MYO6: variants seen among roughly 807,000 people sequenced by gnomAD.
MYO6 encodes the protein myosin VI.
A neutral mutation model predicts 178.7 loss-of-function variants in MYO6; 74 were observed. The observed-to-expected ratio is 0.41, with a 90% CI of 0.34 to 0.50. The LOEUF (loss-of-function observed/expected upper bound fraction) is 0.50, where lower values mean the gene tolerates loss of function less well. MYO6 is among the 20% of genes least tolerant of loss of function. MYO6 has a pLI of 0.09. For missense variants in MYO6, 1,330 were observed against 1,547.4 expected (o/e 0.86, Z 2.36); for synonymous variants, 477 against 504.6 (o/e 0.95, Z 0.73).
At chr6:75,899,296 T>C (rs186832782) in intron 30 of MYO6, among the ~76,000 whole-genome samples, 40 of 152,170 alleles carry the variant, frequency 2.6e-4, no homozygotes, top group Non-Finnish European at 4.6e-4. Flanking sequence ...TAATACCTTA[T>C]ATACATTCTG....
intron 10 of MYO6, among the ~76,000 whole-genome samples, chr6:75,847,925 A>T (rs958045387): frequency 6.6e-6 from 1 of 152,082 alleles, no homozygotes; most frequent in Non-Finnish European, 1.5e-5. Flanking sequence ...TGATACATGT[A>T]TACATTGTGG....
chr6:75,838,402 A>G (rs986095442), intron 7 of MYO6, among the ~76,000 whole-genome samples: 4 of 152,180 alleles, frequency 2.6e-5, no homozygotes, highest in South Asian at 2.1e-4. Flanking sequence ...AGAAGGGTAT[A>G]GCGTCTTTTG....
intron 11 of MYO6, among the ~76,000 whole-genome samples, chr6:75,853,598 TC>T (rs1281515713): frequency 6.6e-6 from 1 of 152,174 alleles, no homozygotes; most frequent in African/African-American, 2.4e-5. Context: ...TGTTCTTTCC[TC>T]AGTGAATTGT....
At chr6:75,893,727 G>A (rs187358789) in intron 28 of MYO6, among the ~76,000 whole-genome samples, 1 of 152,268 alleles carries the variant, frequency 6.6e-6, no homozygotes, top group Non-Finnish European at 1.5e-5. Flanking sequence ...CTCTGGGACT[G>A]CTTGTATATG....
chr6:75,873,597 A>C lies in MYO6; in HGVS notation c.2077+297A>C, dbSNP rs538997506. Among the ~76,000 whole-genome samples, 144 of 152,296 alleles carry C rather than the reference A, an allele frequency of 9.5e-4. 1 individual carries two copies. The highest frequency in any genetic ancestry group is 3.0e-3 in the Admixed American group (46 of 15,290). On this transcript the variant is annotated intron_variant, in intron 20 of 34. Transcript: ENST00000369977. ...AAAAGAAAAGAAAAGAAAAGCATAG[A>C]TGGCAAATTATTTGAGCAATATTGA...
chr6:75,803,875 G>A (rs1421939658), intron 1 of MYO6, among the ~76,000 whole-genome samples: 8 of 151,974 alleles, frequency 5.3e-5, no homozygotes, highest in African/African-American at 1.9e-4. Flanking sequence ...TATTTTCTAG[G>A]GAGGCTTTTT....
intron 6 of MYO6, among the ~76,000 whole-genome samples, chr6:75,835,340 T>C (rs950189443): frequency 2.0e-5 from 3 of 152,228 alleles, no homozygotes; most frequent in Non-Finnish European, 4.4e-5. Context: ...AGGCCACACA[T>C]GTGCAGGTTT....
At chr6:75,910,770 A>G (rs1780699417) in intron 32 of MYO6, among the ~76,000 whole-genome samples, 1 of 152,176 alleles carries the variant, frequency 6.6e-6, no homozygotes, top group Non-Finnish European at 1.5e-5. Flanking sequence ...GCTAAAAGCA[A>G]AGGTTAAAGA....
intron 1 of MYO6, among the ~76,000 whole-genome samples, chr6:75,771,926 T>A (rs1177065416): frequency 6.6e-6 from 1 of 152,194 alleles, no homozygotes; most frequent in Non-Finnish European, 1.5e-5. Context: ...GTTTTAAAAA[T>A]TTAGTTTTTG....
chr6:75,896,579 A>ATGTTTACATGTATAACTT (rs1779327008), intron 29 of MYO6, among the ~76,000 whole-genome samples: 1 of 152,016 alleles, frequency 6.6e-6, no homozygotes, highest in Admixed American at 6.6e-5. Flanking sequence ...AAAAAATACG[A>ATGTTTACATGTATAACTT]TGTTTACATG....
At chr6:75,820,431 AT>A in intron 2 of MYO6, among the ~76,000 whole-genome samples, 1 of 152,252 alleles carries the variant, frequency 6.6e-6, no homozygotes, top group East Asian at 1.9e-4. Flanking sequence ...GTGCAGTGGC[AT>A]AATCTTGGCT....
At chr6:75,909,750 G>GT (rs1175993578) in intron 32 of MYO6, among the ~76,000 whole-genome samples, 16 of 152,054 alleles carry the variant, frequency 1.1e-4, no homozygotes, top group South Asian at 2.1e-4. Flanking sequence ...TATTTTGTGT[G>GT]TTTTTTTCCC....
chr6:75,859,214 G>T (rs1315856623), intron 14 of MYO6, among the ~76,000 whole-genome samples: 1 of 152,058 alleles, frequency 6.6e-6, no homozygotes, highest in African/African-American at 2.4e-5. Context: ...CCCTTAATAG[G>T]GGCTTCCTCA....
intron 30 of MYO6, among the ~76,000 whole-genome samples, chr6:75,905,155 T>C (rs1780178448): frequency 6.6e-6 from 1 of 152,254 alleles, no homozygotes; most frequent in East Asian, 1.9e-4. Context: ...CATTTAAGTC[T>C]GCAGAGGTTA....
At chr6:75,847,811 G>A (rs911602134) in intron 10 of MYO6, among the ~76,000 whole-genome samples, 1 of 151,832 alleles carries the variant, frequency 6.6e-6, no homozygotes, top group African/African-American at 2.4e-5. Flanking sequence ...CATACTGATT[G>A]TCACATTTAA....
At chr6:75,879,047 T>A (rs1283112910) in intron 20 of MYO6, among the ~76,000 whole-genome samples, 1 of 152,234 alleles carries the variant, frequency 6.6e-6, no homozygotes, top group East Asian at 1.9e-4. Context: ...CTCTTCTTTC[T>A]TTTCCATTTG....
At chr6:75,902,460 G>T (rs992923292) in intron 30 of MYO6, among the ~76,000 whole-genome samples, 2 of 152,188 alleles carry the variant, frequency 1.3e-5, no homozygotes, top group Non-Finnish European at 2.9e-5. Context: ...TTGGGAGAGT[G>T]TATGTGTTGA....
intron 30 of MYO6, among the ~76,000 whole-genome samples, chr6:75,906,553 G>C (rs1780339985): frequency 6.6e-6 from 1 of 152,032 alleles, no homozygotes; most frequent in South Asian, 2.1e-4. Context: ...GTGGGTGCCT[G>C]TAGTCCCAGC....
At chr6:75,753,972 T>C (rs1777122076) in intron 1 of MYO6, among the ~76,000 whole-genome samples, 1 of 152,178 alleles carries the variant, frequency 6.6e-6, no homozygotes, top group Non-Finnish European at 1.5e-5. Flanking sequence ...AAGTTTTCCC[T>C]GTGAGTACTG....
Sources: gnomAD v4.1 joint callset for allele counts (sites outside exome capture counted in the v4.1 genomes callset) on GRCh38, gnomAD v4.1.1 for gene constraint, MANE v1.5 for transcripts, NCBI Gene and HGNC (gene_info 2026-07-23, HGNC 2026-07-21) for gene names.